The following THSD7A variants were observed in gnomAD, a reference collection of about 807,000 sequenced individuals.
The protein encoded by THSD7A is thrombospondin type 1 domain containing 7A.
THSD7A carries 96 observed loss-of-function variants against 231.3 expected under a neutral mutation model. The observed-to-expected ratio is 0.41, with a 90% CI of 0.35 to 0.49. The LOEUF is 0.49. Among genes scored for constraint, THSD7A ranks in the 20% least tolerant of loss-of-function variants. The pLI is 0.05. For missense variants in THSD7A, 2,290 were observed against 2,070.2 expected, an observed-to-expected ratio of 1.11 and a Z score of -2.06; for synonymous variants, 940 against 743.3, an observed-to-expected ratio of 1.26 and a Z score of -4.30.
intron 4 of THSD7A, among the ~76,000 whole-genome samples, chr7:11,562,396 G>C (rs1208553356): frequency 6.6e-6 from 1 of 152,060 alleles, no homozygotes; most frequent in Non-Finnish European, 1.5e-5. Flanking sequence ...CTCAAAGGTT[G>C]AGAAAAATGC....
At chr7:11,633,877 C>T (rs1190463301) in intron 2 of THSD7A, among the ~76,000 whole-genome samples, 1 of 151,984 alleles carries the variant, frequency 6.6e-6, no homozygotes, top group Non-Finnish European at 1.5e-5. Context: ...TAATTTTTAG[C>T]CATATTAAAT....
chr7:11,770,878 A>G (rs576750342), intron 1 of THSD7A, among the ~76,000 whole-genome samples: 7 of 152,122 alleles, frequency 4.6e-5, no homozygotes, highest in African/African-American at 1.7e-4. Flanking sequence ...AATGTATTTT[A>G]CTTTTTAAAA....
chr7:11,404,951 T>G (rs974232472), intron 22 of THSD7A, among the ~76,000 whole-genome samples: 2 of 152,120 alleles, frequency 1.3e-5, no homozygotes, highest in Admixed American at 6.6e-5. Context: ...ATTCAGATTT[T>G]TGGTTTTTAA....
chr7:11,423,787 G>A (rs1231435113), intron 16 of THSD7A, among the ~76,000 whole-genome samples: 1 of 152,036 alleles, frequency 6.6e-6, no homozygotes, highest in Admixed American at 6.6e-5. Flanking sequence ...TTAGCACTTG[G>A]GAATCTAATC....
intron 6 of THSD7A, among the ~76,000 whole-genome samples, chr7:11,510,354 A>C (rs10272244): frequency 0.12 from 18,515 of 152,168 alleles, 1,372 homozygotes; most frequent in African/African-American, 0.21. Flanking sequence ...TACAAAGAGG[A>C]GCTGGTACTA....
At chr7:11,581,898 T>G (rs936655734) in intron 4 of THSD7A, among the ~76,000 whole-genome samples, 1 of 152,150 alleles carries the variant, frequency 6.6e-6, no homozygotes, top group Non-Finnish European at 1.5e-5. Context: ...ATACACAGTG[T>G]GATCTGTTAG....
intron 2 of THSD7A, among the ~76,000 whole-genome samples, chr7:11,626,157 T>C (rs1781467678): frequency 1.3e-5 from 2 of 152,168 alleles, no homozygotes; most frequent in Non-Finnish European, 2.9e-5. Context: ...TAGGACCCTC[T>C]TTTTATTTAA....
At chr7:11,617,523 A>G (rs1432321662) in intron 2 of THSD7A, among the ~76,000 whole-genome samples, 1 of 152,230 alleles carries the variant, frequency 6.6e-6, no homozygotes, top group Non-Finnish European at 1.5e-5. Flanking sequence ...AATTTTAACT[A>G]TATTACATGA....
intron 1 of THSD7A, chr7:11,820,308 G>T: frequency 3.1e-6 from 2 of 647,484 alleles, no homozygotes; most frequent in South Asian, 9.7e-5. Context: ...ATTCCGTAAA[G>T]AGTGGACCCT....
At chr7:11,381,522 AT>A (rs2115300195) in intron 24 of THSD7A, among the ~76,000 whole-genome samples, 1 of 152,296 alleles carries the variant, frequency 6.6e-6, no homozygotes, top group African/African-American at 2.4e-5. Flanking sequence ...TTAAAGTTAA[AT>A]TTCTAAACAA....
At chr7:11,711,567 G>A (rs1381603071) in intron 1 of THSD7A, among the ~76,000 whole-genome samples, 6 of 150,996 alleles carry the variant, frequency 4.0e-5, no homozygotes, top group African/African-American at 1.5e-4. Context: ...TCAGCTATCA[G>A]ATAAAATTGT....
At chr7:11,502,922 A>G (rs1787396172) in intron 6 of THSD7A, among the ~76,000 whole-genome samples, 1 of 152,196 alleles carries the variant, frequency 6.6e-6, no homozygotes, top group Non-Finnish European at 1.5e-5. Context: ...CAATCCATCA[A>G]TAACATTCTT....
chr7:11,620,717 G>T (rs569076045), intron 2 of THSD7A, among the ~76,000 whole-genome samples: 1 of 152,236 alleles, frequency 6.6e-6, no homozygotes, highest in South Asian at 2.1e-4. Flanking sequence ...TGAATGATAT[G>T]AAAAAACACA....
At chr7:11,506,757 T>C (rs889080185) in intron 6 of THSD7A, among the ~76,000 whole-genome samples, 2 of 152,188 alleles carry the variant, frequency 1.3e-5, no homozygotes, top group Non-Finnish European at 2.9e-5. Flanking sequence ...TCTCTGATAT[T>C]TGCTTATTCT....
intron 4 of THSD7A, among the ~76,000 whole-genome samples, chr7:11,566,617 CTAT>C (rs1790339365): frequency 6.6e-6 from 1 of 152,092 alleles, no homozygotes; most frequent in African/African-American, 2.4e-5. Flanking sequence ...CAATTGCTTG[CTAT>C]TATTGTCTTT....
At chr7:11,398,855 C>T (rs62438162) in intron 23 of THSD7A, among the ~76,000 whole-genome samples, 27 of 152,276 alleles carry the variant, frequency 1.8e-4, no homozygotes, top group East Asian at 9.6e-4. Flanking sequence ...TGCCATTAGA[C>T]GGTAATTGAC....
chr7:11,566,676 T>G (rs1338458935), intron 4 of THSD7A, among the ~76,000 whole-genome samples: 1 of 152,168 alleles, frequency 6.6e-6, no homozygotes, highest in Non-Finnish European at 1.5e-5. Flanking sequence ...TATTTTATTT[T>G]CTCTACTCGT....
At chr7:11,534,850 C>T (rs1432276368) in intron 6 of THSD7A, among the ~76,000 whole-genome samples, 1 of 152,186 alleles carries the variant, frequency 6.6e-6, no homozygotes, top group African/African-American at 2.4e-5. Flanking sequence ...GTCCAATGTC[C>T]ATACTGGCTT....
intron 1 of THSD7A, among the ~76,000 whole-genome samples, chr7:11,659,087 T>C (rs992122779): frequency 2.6e-5 from 4 of 151,666 alleles, no homozygotes; most frequent in African/African-American, 9.7e-5. Context: ...TTAATTAATC[T>C]CCAACTCTTC....
Sources: allele counts gnomAD v4.1 joint callset (sites outside exome capture counted in the v4.1 genomes callset), GRCh38; gene constraint gnomAD v4.1.1; transcripts MANE v1.5; gene names NCBI Gene and HGNC (gene_info 2026-07-23, HGNC 2026-07-21).